The following URI1 variants were observed in gnomAD, a reference collection of about 807,000 sequenced individuals.
URI1 encodes unconventional prefoldin RPB5 interactor 1.
Under a neutral mutation model 60.2 loss-of-function variants are expected in URI1, and 39 were observed. The ratio of observed to expected loss-of-function variants is 0.65; its 90% CI spans 0.50 to 0.85. The LOEUF is 0.85. Ranked by LOEUF, URI1 falls within the 40% of genes least tolerant of loss-of-function variation. URI1 has a pLI of 0.00. For synonymous variants in URI1, 251 were observed against 236.8 expected (o/e 1.06, Z -0.55); for missense variants, 691 against 665.9 (o/e 1.04, Z -0.42).
intron 1 of URI1, among the ~76,000 whole-genome samples, chr19:29,948,927 AC>A (rs530166355): frequency 7.1e-6 from 1 of 140,842 alleles, no homozygotes; most frequent in African/African-American, 2.6e-5. Flanking sequence ...GGGCAGAGGC[AC>A]CCCCCACCTC....
chr19:30,009,956 A>G (rs1291740601), intron 8 of URI1, among the ~76,000 whole-genome samples: 3 of 152,112 alleles, frequency 2.0e-5, no homozygotes, highest in Admixed American at 6.6e-5. Flanking sequence ...TTCCCTCCAT[A>G]CTTACTGTAG....
chr19:30,000,883 C>T (rs1003485563), intron 4 of URI1, among the ~76,000 whole-genome samples: 2 of 151,624 alleles, frequency 1.3e-5, no homozygotes, highest in African/African-American at 4.8e-5. Context: ...ATTTGTTTGT[C>T]CTTGTTGTAA....
chr19:30,002,843 G>A (rs992478913), intron 4 of URI1, among the ~76,000 whole-genome samples: 1 of 151,838 alleles, frequency 6.6e-6, no homozygotes, highest in African/African-American at 2.4e-5. Context: ...ATATCACAAA[G>A]TATATTTCTT....
chr19:29,986,466 C>G (rs761247027), intron 4 of URI1, 49 bp downstream of exon 4: 12 of 1,571,180 alleles, frequency 7.6e-6, no homozygotes, highest in Middle Eastern at 3.3e-4. Flanking sequence ...TGTATCCATT[C>G]ACAGATTGCC....
At chr19:30,009,424 G>A in intron 8 of URI1, 71 bp downstream of exon 8, 2 of 1,346,500 alleles carry the variant, frequency 1.5e-6, no homozygotes, top group Non-Finnish European at 2.1e-6. Context: ...TTTTTTAGAA[G>A]AGCAATATTA....
chr19:29,948,950 C>T lies in URI1; in HGVS notation c.117+6286C>T, dbSNP rs543469952. ...GCACCCCCCACCTCCCAGACGGGAC[C>T]GCGGCCGGGCGGAGGCGCCCCCCAC... On this transcript the variant is annotated intron_variant, in intron 1 of 10. Coordinates refer to ENST00000392271, the MANE Select transcript of URI1 (RefSeq NM_003796.3). 5.4e-5 allele frequency among the ~76,000 whole-genome samples: 8 copies of T among 147,450 alleles called. 2 individuals carry two copies. Among genetic ancestry groups the T allele is most frequent in the African/African-American group, 1.7e-4 (7 of 40,194 alleles).
intron 1 of URI1, among the ~76,000 whole-genome samples, chr19:29,958,498 A>G (rs918758288): frequency 6.6e-6 from 1 of 152,226 alleles, no homozygotes; most frequent in Non-Finnish European, 1.5e-5. Context: ...ATTCTTTAAA[A>G]ATATTCAAAT....
chr19:29,999,120 A>G (rs1443574019), intron 4 of URI1, among the ~76,000 whole-genome samples: 1 of 152,100 alleles, frequency 6.6e-6, no homozygotes, highest in African/African-American at 2.4e-5. Flanking sequence ...TGTGTCACAA[A>G]TTATATCTTT....
chr19:29,942,486 G>T lies in URI1; in HGVS notation c.-62G>T. 1 of 1,122,142 alleles carries T rather than the reference G, an allele frequency of 8.9e-7. No homozygotes were observed. The highest frequency in any genetic ancestry group is 1.1e-6 in the Non-Finnish European group (1 of 917,312). The allele number at this position is 1,122,142 out of a possible 1,614,324, so 69.5% of individuals were successfully genotyped here. ...CGCGGGCGCTGGGCAACTGCCGGCC[G>T]CGCCGCCTGCGCAGGCGCTGGTTCA... On this transcript the variant is annotated 5_prime_UTR_variant, in exon 1 of 11. Coordinates refer to ENST00000392271, the MANE Select transcript of URI1 (RefSeq NM_003796.3).
rs1044329580 is a variant in URI1 at position 29,949,728 on chromosome 19, C to T, written c.117+7064C>T. On this transcript the variant is annotated intron_variant, in intron 1 of 10. Transcript: ENST00000392271. ...CTGGAGACCAGCCCGGCCAACACAG[C>T]GAAACCCTGTCTCCACCAAAAAAAT... Among the ~76,000 whole-genome samples, 6 of 152,222 alleles carry T rather than the reference C, an allele frequency of 3.9e-5. No individual in the cohort carries two copies. In the South Asian group the frequency reaches 6.2e-4, roughly 16 times the overall value.
rs767111698 is a variant in URI1 at position 30,014,997 on chromosome 19, G to A, written c.1536G>A (p.Leu512=). The A allele has an allele frequency of 6.2e-6, 10 of 1,613,714 alleles. No homozygotes were observed. The highest frequency in any genetic ancestry group is 1.3e-5 in the African/African-American group (1 of 74,896). The change falls in exon 11 of 11, where the codon CTG becomes CTA. Residue 512 remains leucine, a synonymous_variant. Transcript: ENST00000392271. The part of the protein sequence containing the change: ...LPTIPERKEV[L]LEASEETGKR... The stretch of plus-strand genomic sequence containing the variant: ...CTATTCCAGAACGAAAGGAAGTTCT[G>A]TTGGAAGCATCTGAAGAAACTGGAA...
chr19:29,925,253 G>T (rs766857769), intron 1 of URI1, among the ~76,000 whole-genome samples: 1 of 152,264 alleles, frequency 6.6e-6, no homozygotes, highest in Non-Finnish European at 1.5e-5. Flanking sequence ...CTTCATGTGT[G>T]TAAGTCCTGT....
intron 1 of URI1, among the ~76,000 whole-genome samples, chr19:29,933,844 T>C (rs971281555): frequency 5.3e-5 from 8 of 151,934 alleles, no homozygotes; most frequent in African/African-American, 1.9e-4. Flanking sequence ...AAATCAACTT[T>C]TATTTTCATT....
chr19:30,011,020 A>T, intron 8 of URI1, 74 bp from the exon 9 acceptor site: 1 of 1,490,170 alleles, frequency 6.7e-7, no homozygotes, highest in Non-Finnish European at 9.1e-7. Context: ...TTTTAGTTAT[A>T]GAGTTTATTT....
chr19:29,958,864 G>T (rs1466468225), intron 1 of URI1, among the ~76,000 whole-genome samples: 2 of 151,746 alleles, frequency 1.3e-5, no homozygotes, highest in Non-Finnish European at 2.9e-5. Flanking sequence ...GAAGGTTGAG[G>T]CATGAGAATT....
chr19:29,986,255 CCTTTTTT>C lies in URI1; in HGVS notation c.232-19_232-13del. 1.3e-6 allele frequency: 2 copies of C among 1,524,936 alleles called. No homozygotes were observed. Among genetic ancestry groups the C allele is most frequent in the Non-Finnish European group, 1.7e-6 (2 of 1,143,098 alleles). The allele number at this position is 1,524,936 out of a possible 1,614,324, so 94.5% of individuals were successfully genotyped here. On this transcript the variant is annotated intron_variant, in intron 3 of 10. Transcript: ENST00000392271. ...ACTTTTCAGTGTTTTATGTTTTTTC[CCTTTTTT>C]CTTTTTTTTTAAACAATAGGTACCA...
intron 2 of URI1, among the ~76,000 whole-genome samples, chr19:29,975,397 T>G (rs1363608457): frequency 6.6e-6 from 1 of 152,100 alleles, no homozygotes; most frequent in Non-Finnish European, 1.5e-5. Context: ...AAATATTTAA[T>G]GAGACAATAC....
rs769475335 is a variant in URI1 at position 30,007,590 on chromosome 19, G to A, written c.638G>A (p.Arg213Gln). The A allele has an allele frequency of 1.6e-5, 25 of 1,612,898 alleles. No individual in the cohort carries two copies. Among genetic ancestry groups the A allele is most frequent in the Middle Eastern group, 3.3e-4 (2 of 6,054 alleles). The change falls in exon 7 of 11, where the codon CGA (arginine) becomes CAA (glutamine). Residue 213 changes from arginine to glutamine, a missense_variant. Transcript: ENST00000392271. ...CTAGCTGATAAAGAACTGTGGGCTC[G>A]ACTTGAAGAACTAGAGAGACAGGAA... is the stretch of plus-strand genomic sequence containing the variant. ...DLLADKELWA[R>Q]LEELERQEEL...
At chr19:29,956,649 G>A (rs1399904336) in intron 1 of URI1, 3 of 1,526,532 alleles carry the variant, frequency 2.0e-6, no homozygotes, top group Non-Finnish European at 2.7e-6. Flanking sequence ...AGAAATTTCG[G>A]ATTTCAACAA....
Sources: gnomAD v4.1 joint callset for allele counts (sites outside exome capture counted in the v4.1 genomes callset) on GRCh38, gnomAD v4.1.1 for gene constraint, MANE v1.5 for transcripts, NCBI Gene and HGNC (gene_info 2026-07-23, HGNC 2026-07-21) for gene names.